Variants in HCN1 observed in about 807,000 individuals in gnomAD.
The protein encoded by HCN1 is potassium/sodium hyperpolarization-activated cyclic nucleotide-gated channel 1.
In HCN1, 13 loss-of-function variants were observed where a neutral mutation model predicts 78.9. The observed-to-expected ratio is 0.16, with a 90% CI of 0.11 to 0.26. HCN1 has a LOEUF of 0.26. Ranked by LOEUF, HCN1 falls within the 10% of genes least tolerant of loss-of-function variation. HCN1 has a pLI of 1.00. For missense variants in HCN1, 810 were observed against 1,154.3 expected (o/e 0.70, Z 4.32); for synonymous variants, 552 against 455.5 (o/e 1.21, Z -2.70).
intron 3 of HCN1, among the ~76,000 whole-genome samples, chr5:45,415,098 T>G (rs1740094213): frequency 6.6e-6 from 1 of 152,074 alleles, no homozygotes; most frequent in Non-Finnish European, 1.5e-5. Flanking sequence ...TGGACTTTGA[T>G]TCTGCCTCTT....
intron 2 of HCN1, among the ~76,000 whole-genome samples, chr5:45,484,062 G>T (rs991358365): frequency 6.6e-6 from 1 of 152,088 alleles, no homozygotes; most frequent in Non-Finnish European, 1.5e-5. Context: ...GATGCCTCTG[G>T]CTTTGTTCTT....
chr5:45,565,774 G>A lies in HCN1; in HGVS notation c.849+79411C>T, dbSNP rs149503775. Among the ~76,000 whole-genome samples the A allele has an allele frequency of 7.9e-5, 12 of 152,174 alleles. No individual in the cohort carries two copies. The East Asian group carries it at 2.3e-3, about 29-fold the overall frequency. ...ACCCATGATCACACCACTGCACCCA[G>A]CAAGGGCAACAGAATGAGACCCTGT... is the stretch of plus-strand genomic sequence containing the variant. On this transcript the variant is annotated intron_variant, in intron 2 of 7. Coordinates refer to ENST00000303230, the MANE Select transcript of HCN1 (RefSeq NM_021072.4).
chr5:45,534,645 A>G lies in HCN1; in HGVS notation c.850-72638T>C, dbSNP rs937941187. 2.0e-5 allele frequency among the ~76,000 whole-genome samples: 3 copies of G among 151,416 alleles called. No individual in the cohort carries two copies. The South Asian group carries it at 6.2e-4, about 32-fold the overall frequency. On this transcript the variant is annotated intron_variant, in intron 2 of 7. Coordinates refer to ENST00000303230, the MANE Select transcript of HCN1 (RefSeq NM_021072.4). ...GAGACAGACTTATGAATGTAGCTTAACAGCCTATACGAGATTCTAAGCCAA... is the reference window on the plus strand; with the variant it reads ...GAGACAGACTTATGAATGTAGCTTAGCAGCCTATACGAGATTCTAAGCCAA...
rs572563341 is a variant in HCN1 at position 45,375,254 on chromosome 5, TATA to T, written c.1230+21235_1230+21237del. The stretch of plus-strand genomic sequence containing the variant: ...ATAATATATAATATATTATACATAA[TATA>T]ATATTTTATAATATATAATATATTA... On this transcript the variant is annotated intron_variant, in intron 4 of 7. Transcript: ENST00000303230. 9.9e-3 allele frequency among the ~76,000 whole-genome samples: 1,162 copies of T among 117,452 alleles called. 6 individuals are homozygous for T. Among genetic ancestry groups the T allele is most frequent in the African/African-American group, 0.022 (637 of 29,154 alleles). The allele number at this position is 117,452 out of a possible 152,430, so 77.1% of individuals were successfully genotyped here. A position where few individuals can be genotyped will look rare whatever the true frequency, so the allele number is the denominator to read the frequency against.
intron 2 of HCN1, among the ~76,000 whole-genome samples, chr5:45,548,048 T>A (rs576525637): frequency 6.6e-6 from 1 of 151,908 alleles, no homozygotes; most frequent in Admixed American, 6.6e-5. Flanking sequence ...ATAACAGGAT[T>A]ATTTTAATAT....
intron 2 of HCN1, among the ~76,000 whole-genome samples, chr5:45,533,065 T>C (rs1232188881): frequency 6.6e-6 from 1 of 152,166 alleles, no homozygotes; most frequent in Non-Finnish European, 1.5e-5. Flanking sequence ...CAGCTAAGAT[T>C]TCGAGCTCTG....
At chr5:45,304,674 CA>C in intron 5 of HCN1, among the ~76,000 whole-genome samples, 1 of 152,138 alleles carries the variant, frequency 6.6e-6, no homozygotes, top group Middle Eastern at 3.4e-3. Context: ...GACTCTGTCT[CA>C]AAAAGATTAA....
At chr5:45,371,584 C>T (rs1455628701) in intron 4 of HCN1, among the ~76,000 whole-genome samples, 1 of 151,230 alleles carries the variant, frequency 6.6e-6, no homozygotes, top group Non-Finnish European at 1.5e-5. Context: ...CAGTGAAACC[C>T]TGTCTCTATT....
intron 3 of HCN1, among the ~76,000 whole-genome samples, chr5:45,445,668 C>G: frequency 6.6e-6 from 1 of 152,068 alleles, no homozygotes; most frequent in East Asian, 1.9e-4. Flanking sequence ...CTCACATGGC[C>G]GGGTACTCCT....
At chr5:45,657,434 T>C (rs529548318) in intron 1 of HCN1, among the ~76,000 whole-genome samples, 1 of 152,336 alleles carries the variant, frequency 6.6e-6, no homozygotes, top group Admixed American at 6.5e-5. Flanking sequence ...TGATATGATG[T>C]TGCTCAATAG....
rs114613532 is a variant in HCN1, at chr5:45,417,728, A to C, written c.1012-21018T>G. On this transcript the variant is annotated intron_variant, in intron 3 of 7. Transcript: ENST00000303230. ...CAGCTTCCTTAAATAAGAGCTACCC[A>C]GGGTCTCATTAGTGTAGAGAGACAA... 2.1e-3 allele frequency among the ~76,000 whole-genome samples: 286 copies of C among 135,126 alleles called. 2 individuals carry two copies. Among genetic ancestry groups the C allele is most frequent in the African/African-American group, 7.7e-3 (275 of 35,864 alleles). The allele number at this position is 135,126 out of a possible 152,430, so 88.6% of individuals were successfully genotyped here.
intron 1 of HCN1, among the ~76,000 whole-genome samples, chr5:45,650,367 C>T (rs970811268): frequency 6.6e-6 from 1 of 151,940 alleles, no homozygotes; most frequent in African/African-American, 2.4e-5. Context: ...GCCAGTTCTC[C>T]ACAAAGCCTA....
At chr5:45,292,203 C>T (rs888942040) in intron 6 of HCN1, among the ~76,000 whole-genome samples, 1 of 151,932 alleles carries the variant, frequency 6.6e-6, no homozygotes, top group Non-Finnish European at 1.5e-5. Flanking sequence ...ATACAATTTC[C>T]TTGCAAATCT....
At chr5:45,372,216 ATAATAT>A (rs1747408109) in intron 4 of HCN1, among the ~76,000 whole-genome samples, 1 of 74,336 alleles carries the variant, frequency 1.3e-5, no homozygotes. Flanking sequence ...ATTATATAAT[ATAATAT>A]ATATAATATA....
At chr5:45,458,803 A>G (rs1285105820) in intron 3 of HCN1, among the ~76,000 whole-genome samples, 3 of 152,128 alleles carry the variant, frequency 2.0e-5, no homozygotes, top group East Asian at 1.9e-4. Flanking sequence ...AATAATGTTT[A>G]CCTCATTCAG....
intron 3 of HCN1, among the ~76,000 whole-genome samples, chr5:45,439,384 G>C (rs1036623010): frequency 2.6e-4 from 39 of 151,774 alleles, no homozygotes; most frequent in African/African-American, 9.4e-4. Context: ...ATATTATTGG[G>C]GATATGTAAT....
At chr5:45,649,989 T>G (rs1745646218) in intron 1 of HCN1, among the ~76,000 whole-genome samples, 1 of 152,106 alleles carries the variant, frequency 6.6e-6, no homozygotes, top group Non-Finnish European at 1.5e-5. Flanking sequence ...AAATATGCTC[T>G]TAGGTTAGAT....
At chr5:45,634,066 G>A (rs60950886) in intron 2 of HCN1, among the ~76,000 whole-genome samples, 14 of 151,964 alleles carry the variant, frequency 9.2e-5, no homozygotes, top group East Asian at 1.9e-4. Flanking sequence ...GTAATAGGGC[G>A]GCAGGAAGAC....
At chr5:45,314,428 T>C (rs1239328955) in intron 5 of HCN1, among the ~76,000 whole-genome samples, 2 of 152,072 alleles carry the variant, frequency 1.3e-5, no homozygotes, top group Non-Finnish European at 2.9e-5. Context: ...GTAAAGACCG[T>C]CAAGGCTAGG....
Sources: allele counts gnomAD v4.1 joint callset (sites outside exome capture counted in the v4.1 genomes callset), GRCh38; gene constraint gnomAD v4.1.1; transcripts MANE v1.5; gene names NCBI Gene and HGNC (gene_info 2026-07-23, HGNC 2026-07-21).